Variants in ADCY8 observed in about 807,000 individuals in gnomAD.
ADCY8 encodes adenylate cyclase 8.
ADCY8 carries 51 observed loss-of-function variants against 119.7 expected under a neutral mutation model. That is an observed-to-expected ratio of 0.43 (90% confidence interval 0.34 to 0.54). The LOEUF is 0.54. ADCY8 is among the 20% of genes least tolerant of loss of function. The probability of loss-of-function intolerance (pLI) is 0.03; values close to 1 mark genes in which losing one functional copy is unlikely to be tolerated. For missense variants in ADCY8, 1,383 were observed against 1,598.8 expected, an observed-to-expected ratio of 0.87 and a Z score of 2.30; for synonymous variants, 665 against 651.0, an observed-to-expected ratio of 1.02 and a Z score of -0.33.
rs750716059 is a variant in ADCY8, at chr8:130,836,387, G to A, written c.2565C>T (p.Ser855=). The change falls in exon 12 of 18, where the codon TCC becomes TCT. Residue 855 remains serine, a synonymous_variant. Transcript: ENST00000286355. The part of the protein sequence containing the change: ...VTCAVFLRLN[S]VLKLAVLLIM... Reference sequence around the variant, plus strand: ...TCAGCAGCACTGCCAGCTTCAGGACGGAGTTCAGCCGGAGGAAAACTGCAC... The same window carrying A: ...TCAGCAGCACTGCCAGCTTCAGGACAGAGTTCAGCCGGAGGAAAACTGCAC... The A allele has an allele frequency of 1.3e-5, 21 of 1,613,810 alleles. No individual in the cohort carries two copies. Among genetic ancestry groups the A allele is most frequent in the East Asian group, 1.1e-4 (5 of 44,870 alleles).
intron 5 of ADCY8, among the ~76,000 whole-genome samples, chr8:130,933,869 A>T (rs971309799): frequency 6.6e-6 from 1 of 152,262 alleles, no homozygotes; most frequent in Non-Finnish European, 1.5e-5. Flanking sequence ...GAAAGTCTGT[A>T]GAAAGTTTTG....
chr8:130,821,143 T>C (rs73716632), intron 13 of ADCY8, among the ~76,000 whole-genome samples, 199 bp downstream of exon 13: 1 of 152,328 alleles, frequency 6.6e-6, no homozygotes, highest in African/African-American at 2.4e-5. Context: ...TATCCAAAGG[T>C]CATTAAAACC....
chr8:130,973,819 C>T (rs1821993886), intron 2 of ADCY8, among the ~76,000 whole-genome samples: 1 of 151,694 alleles, frequency 6.6e-6, no homozygotes, highest in Non-Finnish European at 1.5e-5. Context: ...CTCAATGGAG[C>T]AAAAAAGCAT....
At chr8:130,940,330 G>C (rs1016918742) in intron 4 of ADCY8, among the ~76,000 whole-genome samples, 1 of 152,164 alleles carries the variant, frequency 6.6e-6, no homozygotes, top group African/African-American at 2.4e-5. Context: ...GTTTTAGAAG[G>C]AGATTGTGTA....
At chr8:130,807,130 C>A (rs535012042) in intron 14 of ADCY8, among the ~76,000 whole-genome samples, 1 of 152,182 alleles carries the variant, frequency 6.6e-6, no homozygotes, top group African/African-American at 2.4e-5. Flanking sequence ...CATGTGCATG[C>A]GCTCCGTCGC....
intron 9 of ADCY8, among the ~76,000 whole-genome samples, chr8:130,866,912 T>A (rs1425675249): frequency 2.0e-5 from 3 of 152,222 alleles, no homozygotes; most frequent in Non-Finnish European, 4.4e-5. Context: ...GAGCCATTGT[T>A]AATGTCTTTG....
Position 130,904,052 on chromosome 8 carries a change from G to C in ADCY8, c.1641-10C>G, listed in dbSNP as rs1290612011. 1.9e-6 allele frequency: 3 copies of C among 1,608,200 alleles called. No individual in the cohort carries two copies. In the Admixed American group the frequency reaches 5.0e-5, roughly 27 times the overall value. ...GGAAATGTGAATCCTCCTGTGTGTA[G>C]AAGGCATAGGTCATTACACACTCCT... is the stretch of plus-strand genomic sequence containing the variant. On this transcript the variant is annotated splice_polypyrimidine_tract_variant and intron_variant, in intron 6 of 17. Coordinates refer to ENST00000286355, the MANE Select transcript of ADCY8 (RefSeq NM_001115.3).
intron 10 of ADCY8, among the ~76,000 whole-genome samples, chr8:130,849,114 C>T (rs1224990101): frequency 3.3e-5 from 5 of 152,098 alleles, no homozygotes; most frequent in East Asian, 1.9e-4. Context: ...ATTAGAGGGG[C>T]GTGGGTCATG....
chr8:130,882,867 A>G (rs1818829677), intron 8 of ADCY8, among the ~76,000 whole-genome samples: 1 of 152,190 alleles, frequency 6.6e-6, no homozygotes. Flanking sequence ...GGTAAGAGTC[A>G]GTGAAGAATA....
intron 2 of ADCY8, among the ~76,000 whole-genome samples, chr8:130,983,062 T>C (rs1822286317): frequency 1.3e-5 from 2 of 152,114 alleles, no homozygotes; most frequent in Admixed American, 1.3e-4. Context: ...AATGGAGCAA[T>C]AGTGGCATGT....
chr8:130,859,073 G>T (rs1282069289), intron 9 of ADCY8, among the ~76,000 whole-genome samples: 1 of 152,024 alleles, frequency 6.6e-6, no homozygotes, highest in Non-Finnish European at 1.5e-5. Context: ...TTGGATATCG[G>T]CATTAGAAAC....
intron 5 of ADCY8, among the ~76,000 whole-genome samples, chr8:130,916,390 T>C (rs1368383425): frequency 6.6e-6 from 1 of 152,170 alleles, no homozygotes; most frequent in African/African-American, 2.4e-5. Flanking sequence ...GAAGCCCAAC[T>C]TTTCCTTCAA....
At chr8:130,914,917 T>C (rs1820081630) in intron 5 of ADCY8, among the ~76,000 whole-genome samples, 1 of 152,188 alleles carries the variant, frequency 6.6e-6, no homozygotes, top group South Asian at 2.1e-4. Context: ...ATTTATCAAG[T>C]TAATGGAGAA....
Position 131,040,103 on chromosome 8 carries a change from G to A in ADCY8, c.231C>T (p.Asn77=), listed in dbSNP as rs1445386488. 3.3e-6 allele frequency: 5 copies of A among 1,527,870 alleles called. No individual in the cohort carries two copies. In the East Asian group the frequency reaches 1.2e-4, roughly 37 times the overall value. The allele number at this position is 1,527,870 out of a possible 1,614,324, so 94.6% of individuals were successfully genotyped here. A position where few individuals can be genotyped will look rare whatever the true frequency, so the allele number is the denominator to read the frequency against. ...CGCCTGACAGCTGCGGCGCGTGGTG[G>A]TTGGGGCCGCCGCCCGCAGGGTCCG... ...KASDPAGGGP[N]HHAPQLSGDS... The change falls in exon 1 of 18, where the codon AAC becomes AAT. Residue 77 remains asparagine (N), a synonymous_variant. Coordinates refer to ENST00000286355, the MANE Select transcript of ADCY8 (RefSeq NM_001115.3).
chr8:131,032,031 C>T (rs1368711273), intron 1 of ADCY8, among the ~76,000 whole-genome samples: 1 of 152,164 alleles, frequency 6.6e-6, no homozygotes, highest in Non-Finnish European at 1.5e-5. Context: ...CGGTTTACTC[C>T]AGTCAACTGA....
At chr8:131,012,863 C>T (rs149379739) in intron 1 of ADCY8, among the ~76,000 whole-genome samples, 255 of 152,312 alleles carry the variant, frequency 1.7e-3, no homozygotes, top group African/African-American at 5.8e-3. Flanking sequence ...TTTTCTCCTC[C>T]GTGGGTACTG....
At chr8:130,803,061 C>A (rs1815831498) in intron 14 of ADCY8, among the ~76,000 whole-genome samples, 2 of 152,200 alleles carry the variant, frequency 1.3e-5, no homozygotes, top group South Asian at 4.1e-4. Flanking sequence ...TTACTGGGAC[C>A]ACCGCTGAGT....
intron 14 of ADCY8, among the ~76,000 whole-genome samples, chr8:130,800,876 G>C (rs1239345131): frequency 6.6e-6 from 1 of 152,224 alleles, no homozygotes; most frequent in Non-Finnish European, 1.5e-5. Flanking sequence ...TTCTGGTTCA[G>C]AGATGTTGAT....
intron 5 of ADCY8, among the ~76,000 whole-genome samples, chr8:130,924,428 A>G (rs931402212): frequency 6.6e-6 from 1 of 152,192 alleles, no homozygotes; most frequent in Non-Finnish European, 1.5e-5. Context: ...CTTTGGATGA[A>G]ATGGGGGTTG....
Sources: gnomAD v4.1 joint callset for allele counts (sites outside exome capture counted in the v4.1 genomes callset) on GRCh38, gnomAD v4.1.1 for gene constraint, MANE v1.5 for transcripts, NCBI Gene and HGNC (gene_info 2026-07-23, HGNC 2026-07-21) for gene names.